Variants in TNS1 observed in about 807,000 individuals in gnomAD.
TNS1 encodes the protein tensin 1.
TNS1 carries 62 observed loss-of-function variants against 168.6 expected under a neutral mutation model. The ratio of observed to expected loss-of-function variants is 0.37; its 90% CI spans 0.30 to 0.45. TNS1 has a LOEUF of 0.45. Among genes scored for constraint, TNS1 ranks in the 20% least tolerant of loss-of-function variants. The probability of loss-of-function intolerance (pLI) is 1.00; values close to 1 mark genes in which losing one functional copy is unlikely to be tolerated. For synonymous variants in TNS1, 934 were observed against 933.2 expected (o/e 1.00, Z -0.02); for missense variants, 2,240 against 2,339.4 (o/e 0.96, Z 0.88).
intron 4 of TNS1, among the ~76,000 whole-genome samples, chr2:217,908,791 A>G (rs2125800703): frequency 6.6e-6 from 1 of 152,152 alleles, no homozygotes; most frequent in Non-Finnish European, 1.5e-5. Flanking sequence ...TAGAGGGACA[A>G]CGGGGTCCAG....
At chr2:218,015,350 G>A (rs2106004664), upstream of TNS1, among the ~76,000 whole-genome samples, 1 of 152,246 alleles carries the variant, frequency 6.6e-6, no homozygotes, top group South Asian at 2.1e-4. Flanking sequence ...AGGGAGAGGA[G>A]GGAGGGGGAG....
intron 3 of TNS1, among the ~76,000 whole-genome samples, chr2:217,952,663 T>C (rs777410512): frequency 6.6e-6 from 1 of 152,162 alleles, no homozygotes; most frequent in African/African-American, 2.4e-5. Context: ...CGTGGACACT[T>C]GACCTTTACG....
intron 1 of TNS1, among the ~76,000 whole-genome samples, chr2:218,015,954 T>TGA (rs1958756019): frequency 6.6e-6 from 1 of 151,372 alleles, no homozygotes; most frequent in African/African-American, 2.4e-5. Flanking sequence ...GCTCCCACAA[T>TGA]GAGATTAAAG....
chr2:217,967,310 G>T (rs1010556654), intron 3 of TNS1, among the ~76,000 whole-genome samples: 7 of 152,120 alleles, frequency 4.6e-5, no homozygotes, highest in African/African-American at 1.7e-4. Context: ...GACAGAGCGA[G>T]ACTCGGTCTC....
chr2:217,891,279 C>T (rs1317261695), intron 11 of TNS1, among the ~76,000 whole-genome samples: 2 of 152,182 alleles, frequency 1.3e-5, no homozygotes, highest in Non-Finnish European at 1.5e-5. Flanking sequence ...CTTTAAAGTT[C>T]AGCAGCCTGG....
chr2:217,844,757 A>G (rs1387189754), intron 19 of TNS1, among the ~76,000 whole-genome samples: 1 of 151,900 alleles, frequency 6.6e-6, no homozygotes, highest in African/African-American at 2.4e-5. Context: ...TAAACTCTAG[A>G]CTCCTTAAGG....
intron 19 of TNS1, among the ~76,000 whole-genome samples, chr2:217,839,680 C>T (rs927670629): frequency 2.6e-5 from 4 of 152,176 alleles, no homozygotes; most frequent in Admixed American, 6.5e-5. Flanking sequence ...GATCACGTGA[C>T]GAGTACCCTG....
intron 9 of TNS1, among the ~76,000 whole-genome samples, chr2:217,893,836 C>T (rs904593100): frequency 3.3e-5 from 5 of 152,218 alleles, no homozygotes; most frequent in African/African-American, 1.2e-4. Context: ...CTCTTCCAGC[C>T]TCAATTTCCC....
intron 3 of TNS1, among the ~76,000 whole-genome samples, chr2:217,921,694 C>G: frequency 6.6e-6 from 1 of 152,192 alleles, no homozygotes; most frequent in East Asian, 1.9e-4. Context: ...TTCCTCTTTG[C>G]TCCACAGAAT....
chr2:217,960,207 T>C (rs1162687012), intron 3 of TNS1, among the ~76,000 whole-genome samples: 2 of 152,116 alleles, frequency 1.3e-5, no homozygotes, highest in Admixed American at 6.5e-5. Context: ...CCCCACAACA[T>C]GTACCATTTA....
chr2:217,992,036 T>C (rs1958379125), intron 1 of TNS1, among the ~76,000 whole-genome samples: 1 of 152,104 alleles, frequency 6.6e-6, no homozygotes, highest in Non-Finnish European at 1.5e-5. Flanking sequence ...GGAGCTCTGA[T>C]AGTCTGTCCT....
Position 217,886,617 on chromosome 2 carries a change from G to A in TNS1, c.896C>T (p.Ser299Phe). The A allele has an allele frequency of 3.8e-6, 6 of 1,597,348 alleles. No individual in the cohort carries two copies. In the South Asian group the frequency reaches 5.7e-5, roughly 15 times the overall value. The change falls in exon 13 of 33, where the codon TCC becomes TTC. Residue 299 changes from serine (S) to phenylalanine (F), a missense_variant. Around this residue, in one of 2 missense-constraint regions of TNS1, gnomAD observed 2,131 missense variants for 2,171.2 expected, o/e 0.98. Coordinates refer to ENST00000682258, the MANE Select transcript of TNS1 (RefSeq NM_001387777.1). Reference sequence around the variant, plus strand: ...CTTGTTGTTCATTTTGATGGAGCCGGAGAGCAGGCCACTGAAGTAATGCAC... The same window carrying A: ...CTTGTTGTTCATTTTGATGGAGCCGAAGAGCAGGCCACTGAAGTAATGCAC... ...RYVHYFSGLL[S>F]GSIKMNNKPL...
In TNS1 at chr2:217,921,998, G is replaced by A. The variant is rs138829108; in HGVS notation, c.187-1762C>T. On this transcript the variant is annotated intron_variant, in intron 3 of 32. Coordinates refer to ENST00000682258, the MANE Select transcript of TNS1 (RefSeq NM_001387777.1). ...ACATGTGAAGGGAAGCTTATCACTC[G>A]TGGCCCCAATTTCGGAAGAATGAGG... 1.5e-3 allele frequency among the ~76,000 whole-genome samples: 234 copies of A among 152,270 alleles called. 4 individuals are homozygous for A. The highest frequency in any genetic ancestry group is 5.2e-3 in the African/African-American group (217 of 41,558).
chr2:217,818,558 G>T lies in TNS1; in HGVS notation c.3774C>A (p.Phe1258Leu). Residue 1258 changes from phenylalanine to leucine, a missense_variant, in exon 24 of 33, where the codon TTC becomes TTA. Phe to Leu is a conservative substitution (Grantham distance 22). Transcript: ENST00000682258. ...YSSPDYSLQH[F>L]SSSPESQARA... ...GAGCCTGGCTTTCCGGAGAGGAGCT[G>T]AAATGCTGAAGTGAGTAGTCGGGGC... 1 of 1,614,214 alleles carries T rather than the reference G, an allele frequency of 6.2e-7. No homozygotes were observed. Among genetic ancestry groups the T allele is most frequent in the Non-Finnish European group, 8.5e-7 (1 of 1,180,008 alleles).
chr2:217,976,403 G>A (rs992091255), intron 3 of TNS1, among the ~76,000 whole-genome samples: 8 of 152,204 alleles, frequency 5.3e-5, no homozygotes, highest in African/African-American at 1.9e-4. Flanking sequence ...GGAGGAAAAG[G>A]CAGGGCGGCA....
At chr2:217,916,768 T>C (rs935531573) in intron 4 of TNS1, among the ~76,000 whole-genome samples, 17 of 152,066 alleles carry the variant, frequency 1.1e-4, no homozygotes, top group African/African-American at 3.6e-4. Context: ...GGGCAGAAAT[T>C]CTATGTCTGG....
chr2:218,028,610 G>T (rs578081375), intron 1 of TNS1, among the ~76,000 whole-genome samples: 2 of 152,326 alleles, frequency 1.3e-5, no homozygotes, highest in Non-Finnish European at 2.9e-5. Flanking sequence ...GACAGCAGCA[G>T]AAGCACCCAG....
At chr2:218,003,795 T>G, upstream of TNS1, among the ~76,000 whole-genome samples, 1 of 78,774 alleles carries the variant, frequency 1.3e-5, no homozygotes, top group Non-Finnish European at 2.5e-5. Context: ...TCCTCCCCTC[T>G]CCCCCTCCCT....
At chr2:217,898,430 C>T (rs1431278477) in intron 7 of TNS1, among the ~76,000 whole-genome samples, 2 of 152,218 alleles carry the variant, frequency 1.3e-5, no homozygotes, top group East Asian at 1.9e-4. Flanking sequence ...AGCCCTGGAA[C>T]GGAGACTTCC....
Sources: gnomAD v4.1 joint callset for allele counts (sites outside exome capture counted in the v4.1 genomes callset) on GRCh38, gnomAD v4.1.1 for gene constraint, gnomAD v4.1.1 regional missense constraint, MANE v1.5 for transcripts, NCBI Gene and HGNC (gene_info 2026-07-23, HGNC 2026-07-21) for gene names.